HPS5: variants seen among roughly 807,000 people sequenced by gnomAD.
HPS5 encodes BLOC-2 complex member HPS5.
HPS5 carries 83 observed loss-of-function variants against 128.0 expected under a neutral mutation model. The observed-to-expected ratio is 0.65, with a 90% CI of 0.54 to 0.78. The LOEUF (loss-of-function observed/expected upper bound fraction) is 0.78, where lower values mean the gene tolerates loss of function less well. Among genes scored for constraint, HPS5 ranks in the 30% least tolerant of loss-of-function variants. HPS5 has a pLI of 0.00. For synonymous variants in HPS5, 475 were observed against 470.2 expected, an observed-to-expected ratio of 1.01 and a Z score of -0.13; for missense variants, 1,281 against 1,326.2, an observed-to-expected ratio of 0.97 and a Z score of 0.53.
intron 7 of HPS5, 76 bp downstream of exon 7, chr11:18,306,059 A>G (rs1466391467): frequency 1.9e-6 from 2 of 1,060,626 alleles, no homozygotes; most frequent in African/African-American, 1.6e-5. Flanking sequence ...TAACACAGAT[A>G]GAATATCAGA....
intron 12 of HPS5, chr11:18,296,534 T>C (rs990164641): frequency 1.7e-6 from 1 of 597,420 alleles, no homozygotes; most frequent in African/African-American, 1.9e-5. Context: ...GTTAATGACC[T>C]TTCTTTCATA....
Position 18,296,136 on chromosome 11 carries a change from T to C in HPS5, c.1511-14A>G. On this transcript the variant is annotated splice_polypyrimidine_tract_variant and intron_variant, in intron 12 of 22. Coordinates refer to ENST00000349215, the MANE Select transcript of HPS5 (RefSeq NM_181507.2). The stretch of plus-strand genomic sequence containing the variant: ...GAGAAACATTGTCTAATGAATGGAA[T>C]CAGGAAAAAAAGAAACAAAATCTAA... The C allele has an allele frequency of 1.2e-6, 2 of 1,612,418 alleles. No individual in the cohort carries two copies. The highest frequency in any genetic ancestry group is 1.7e-6 in the Non-Finnish European group (2 of 1,178,800).
At chr11:18,298,629 C>T (rs1861358648) in intron 10 of HPS5, among the ~76,000 whole-genome samples, 163 bp downstream of exon 10, 1 of 152,052 alleles carries the variant, frequency 6.6e-6, no homozygotes, top group African/African-American at 2.4e-5. Context: ...ACCCTCTATC[C>T]ACCCCTAGAT....
At chr11:18,294,826 G>A (rs1026663389) in intron 14 of HPS5, among the ~76,000 whole-genome samples, 194 bp downstream of exon 14, 1 of 147,718 alleles carries the variant, frequency 6.8e-6, no homozygotes, top group African/African-American at 2.5e-5. Context: ...TAGCTGATGA[G>A]CTATTAAAAA....
At chr11:18,293,770 TGGATA>T (rs1860728984) in intron 14 of HPS5, among the ~76,000 whole-genome samples, 1 of 152,194 alleles carries the variant, frequency 6.6e-6, no homozygotes, top group African/African-American at 2.4e-5. Flanking sequence ...GAGAATACTC[TGGATA>T]GAAGACATAG....
intron 2 of HPS5, among the ~76,000 whole-genome samples, chr11:18,317,116 C>T (rs567291473): frequency 6.6e-6 from 1 of 151,724 alleles, no homozygotes; most frequent in South Asian, 2.1e-4. Flanking sequence ...ACGGTGTGAA[C>T]CCGGGAGGCG....
intron 2 of HPS5, among the ~76,000 whole-genome samples, chr11:18,316,422 T>C (rs1456676936): frequency 1.3e-5 from 2 of 152,270 alleles, no homozygotes; most frequent in Non-Finnish European, 2.9e-5. Flanking sequence ...TCTTGGTCTT[T>C]GTGAGATATA....
At chr11:18,311,861 C>A (rs1279944921) in intron 3 of HPS5, 53 bp downstream of exon 3, 1 of 1,173,952 alleles carries the variant, frequency 8.5e-7, no homozygotes, top group Non-Finnish European at 1.3e-6. Context: ...GAGAAATTTG[C>A]ATTTATGAAA....
intron 16 of HPS5, among the ~76,000 whole-genome samples, chr11:18,288,322 G>T (rs1462158084): frequency 3.3e-5 from 5 of 152,152 alleles, no homozygotes; most frequent in East Asian, 1.9e-4. Flanking sequence ...CCTATATATA[G>T]CAACTGTCCA....
chr11:18,286,577 G>T lies in HPS5; in HGVS notation c.2837+14C>A. 6.2e-7 allele frequency: 1 copy of T among 1,613,018 alleles called. No individual in the cohort carries two copies. Among genetic ancestry groups the T allele is most frequent in the South Asian group, 1.1e-5 (1 of 90,918 alleles). ...AGTAAAGAAAAAAACAAAGAAAGAGGACTTCTTCTGTACCTGGGATAACCT... is the reference window on the plus strand; with the variant it reads ...AGTAAAGAAAAAAACAAAGAAAGAGTACTTCTTCTGTACCTGGGATAACCT... On this transcript the variant is annotated intron_variant, in intron 19 of 22. Coordinates refer to ENST00000349215, the MANE Select transcript of HPS5 (RefSeq NM_181507.2).
At chr11:18,290,902 C>T (rs1337950604) in intron 16 of HPS5, among the ~76,000 whole-genome samples, 2 of 151,970 alleles carry the variant, frequency 1.3e-5, no homozygotes, top group Admixed American at 6.6e-5. Flanking sequence ...AGCCTGGGCA[C>T]AGAGTGAGAC....
chr11:18,311,279 A>T, intron 4 of HPS5, 108 bp downstream of exon 4: 1 of 820,716 alleles, frequency 1.2e-6, no homozygotes, highest in Non-Finnish European at 2.1e-6. Context: ...CACTGTTAAA[A>T]CCGGGACAAT....
At chr11:18,294,356 T>C (rs1437498643) in intron 14 of HPS5, among the ~76,000 whole-genome samples, 2 of 152,216 alleles carry the variant, frequency 1.3e-5, no homozygotes, top group Admixed American at 6.5e-5. Context: ...CCTTTTGCTA[T>C]TGCTTGATGA....
chr11:18,305,845 T>G (rs1014510739), intron 7 of HPS5, among the ~76,000 whole-genome samples: 5 of 151,294 alleles, frequency 3.3e-5, no homozygotes, highest in Non-Finnish European at 5.9e-5. Context: ...TTCTCCTGCC[T>G]CAGCCTCCCG....
chr11:18,293,063 C>A, intron 14 of HPS5, 87 bp from the exon 15 acceptor site: 1 of 1,027,638 alleles, frequency 9.7e-7, no homozygotes, highest in African/African-American at 1.6e-5. Context: ...ACTCTGTCAC[C>A]CAGGCTGCAG....
chr11:18,318,251 G>T (rs1164990674), intron 1 of HPS5, among the ~76,000 whole-genome samples: 2 of 152,168 alleles, frequency 1.3e-5, no homozygotes, highest in Non-Finnish European at 2.9e-5. Flanking sequence ...GCATTTCTAT[G>T]AATACTAAAT....
chr11:18,296,752 A>T lies in HPS5; in HGVS notation c.1510+46T>A, dbSNP rs745618753. 4.5e-6 allele frequency: 7 copies of T among 1,557,176 alleles called. No homozygotes were observed. The South Asian group carries it at 7.8e-5, about 17-fold the overall frequency. ...AATCCTGGTAACAGGAGCTCGTGGA[A>T]AATAATGGCTTCACATCAGGAACCA... On this transcript the variant is annotated intron_variant, in intron 12 of 22. Transcript: ENST00000349215.
Position 18,315,228 on chromosome 11 carries a change from A to T in HPS5, c.108+2523T>A, listed in dbSNP as rs117073695. On this transcript the variant is annotated intron_variant, in intron 2 of 22. Coordinates refer to ENST00000349215, the MANE Select transcript of HPS5 (RefSeq NM_181507.2). ...AGTTCTTAGAAGCTGCCTCAAAACC[A>T]AAGTCCCTTTAACCTTGTCTCGTTT... is the stretch of plus-strand genomic sequence containing the variant. 9.9e-3 allele frequency among the ~76,000 whole-genome samples: 1,503 copies of T among 152,306 alleles called. 6 individuals carry two copies. The highest frequency in any genetic ancestry group is 0.016 in the Non-Finnish European group (1,098 of 68,030).
At chr11:18,312,669 C>G (rs1205241875) in intron 2 of HPS5, among the ~76,000 whole-genome samples, 2 of 152,274 alleles carry the variant, frequency 1.3e-5, no homozygotes, top group South Asian at 2.1e-4. Context: ...CTAATAAGAC[C>G]AAGGCTGCTG....
Sources: allele counts gnomAD v4.1 joint callset (sites outside exome capture counted in the v4.1 genomes callset), GRCh38; gene constraint gnomAD v4.1.1; transcripts MANE v1.5; gene names NCBI Gene and HGNC (gene_info 2026-07-23, HGNC 2026-07-21).